The following SH3BP5 variants were observed in gnomAD, a reference collection of about 807,000 sequenced individuals.
The protein encoded by SH3BP5 is SH3 domain-binding protein 5.
A neutral mutation model predicts 43.3 loss-of-function variants in SH3BP5; 22 were observed. The observed-to-expected ratio is 0.51, with a 90% confidence interval of 0.36 to 0.73. The LOEUF is 0.73. Ranked by LOEUF, SH3BP5 falls within the 30% of genes least tolerant of loss-of-function variation. SH3BP5 has a pLI of 0.00. For synonymous variants in SH3BP5, 255 were observed against 225.8 expected (o/e 1.13, Z -1.16); for missense variants, 529 against 586.9 (o/e 0.90, Z 1.02).
At position 15,293,901 on chromosome 3, in the gene SH3BP5, A is replaced by G. The variant is rs1217375719; in HGVS notation, c.330+10202T>C. Among the ~76,000 whole-genome samples the G allele has an allele frequency of 2.6e-5, 4 of 152,126 alleles. No individual in the cohort carries two copies. The East Asian group carries it at 7.7e-4, about 29-fold the overall frequency. On this transcript the variant is annotated intron_variant, in intron 3 of 8. Coordinates refer to ENST00000383791, the MANE Select transcript of SH3BP5 (RefSeq NM_004844.5). ...GAGACCAGCCTGGCCAACATGACGA[A>G]ATCCTGTCTCTACTAAAAATACAAA...
At chr3:15,280,247 G>T (rs1393370464) in intron 3 of SH3BP5, among the ~76,000 whole-genome samples, 1 of 152,048 alleles carries the variant, frequency 6.6e-6, no homozygotes, top group East Asian at 1.9e-4. Context: ...TAGCCAGAAG[G>T]GTGCGCCCAC....
chr3:15,262,082 G>T (rs999834858), intron 5 of SH3BP5, 77 bp downstream of exon 5: 3 of 1,558,044 alleles, frequency 1.9e-6, no homozygotes, highest in Non-Finnish European at 2.6e-6. Context: ...GTCCTTGAGT[G>T]TGTGACATAC....
At chr3:15,335,737 T>C (rs1413203567), upstream of SH3BP5, among the ~76,000 whole-genome samples, 1 of 152,298 alleles carries the variant, frequency 6.6e-6, no homozygotes, top group East Asian at 1.9e-4. Flanking sequence ...AAGGGACAAC[T>C]GTATATATTC....
intron 6 of SH3BP5, 196 bp from the exon 7 acceptor site, chr3:15,259,246 C>T: frequency 1.6e-6 from 1 of 607,084 alleles, no homozygotes; most frequent in Non-Finnish European, 2.9e-6. Context: ...CCCCAGATCC[C>T]ATCCAGGTGA....
chr3:15,332,245 A>AT (rs767604689), intron 1 of SH3BP5, 26 bp downstream of exon 1: 10 of 1,551,076 alleles, frequency 6.4e-6, no homozygotes, highest in Non-Finnish European at 7.8e-6. Flanking sequence ...CGAAGCCCGG[A>AT]TGCGGGGCGA....
chr3:15,332,732 G>C (rs1439610586), upstream of SH3BP5: 1 of 964,704 alleles, frequency 1.0e-6, no homozygotes, highest in African/African-American at 1.7e-5. Context: ...ACATCTCCAA[G>C]GTGGCAAAAT....
At position 15,264,899 on chromosome 3, in the gene SH3BP5, GTTTACC is replaced by G. The variant is rs577682128; in HGVS notation, c.496-2616_496-2611del. Among the ~76,000 whole-genome samples the G allele has an allele frequency of 2.8e-4, 43 of 152,064 alleles. No homozygotes were observed. In the South Asian group the frequency reaches 8.9e-3, roughly 32 times the overall value. On this transcript the variant is annotated intron_variant, in intron 4 of 8. Coordinates refer to ENST00000383791, the MANE Select transcript of SH3BP5 (RefSeq NM_004844.5). ...TTATTACAAAAAGATCCAATTAAAG[GTTTACC>G]TTTAAGGAGCTGTCAGAATGCATTT...
rs773418415 is a variant in SH3BP5, at chr3:15,304,092, G to A, written c.330+11C>T. On this transcript the variant is annotated intron_variant, in intron 3 of 8. Transcript: ENST00000383791. ...CTCGAGGTAGGGGAGACATCTATGG[G>A]GCTATCTTACCTGCCTCGCCACCCT... 2.5e-6 allele frequency: 4 copies of A among 1,611,538 alleles called. No individual in the cohort carries two copies. Among genetic ancestry groups the A allele is most frequent in the African/African-American group, 2.7e-5 (2 of 74,970 alleles).
intron 3 of SH3BP5, among the ~76,000 whole-genome samples, chr3:15,298,746 G>A (rs1253777820): frequency 2.0e-5 from 3 of 152,156 alleles, no homozygotes; most frequent in Non-Finnish European, 4.4e-5. Flanking sequence ...GGTACCTAGG[G>A]TAGTCAAATT....
At chr3:15,318,676 C>T (rs776114127) in intron 2 of SH3BP5, among the ~76,000 whole-genome samples, 33 of 152,122 alleles carry the variant, frequency 2.2e-4, no homozygotes, top group Non-Finnish European at 4.6e-4. Flanking sequence ...GATTCTTGTG[C>T]CTCAGCCTCC....
chr3:15,267,623 T>C (rs1048492330), intron 4 of SH3BP5, among the ~76,000 whole-genome samples: 11 of 152,168 alleles, frequency 7.2e-5, no homozygotes, highest in African/African-American at 2.7e-4. Flanking sequence ...CCCAGGGCCC[T>C]ATGAAGCCCT....
upstream of SH3BP5, among the ~76,000 whole-genome samples, chr3:15,334,915 G>GC (rs1161381308): frequency 6.6e-6 from 1 of 151,498 alleles, no homozygotes; most frequent in African/African-American, 2.4e-5. Flanking sequence ...TTGCACCACT[G>GC]CCCCCCAGCT....
chr3:15,300,347 T>C (rs1226356446), intron 3 of SH3BP5, among the ~76,000 whole-genome samples: 1 of 152,166 alleles, frequency 6.6e-6, no homozygotes, highest in Non-Finnish European at 1.5e-5. Context: ...GGCTGTTCCC[T>C]TGACTGCCAG....
intron 1 of SH3BP5, chr3:15,339,980 A>G (rs891851188): frequency 1.3e-5 from 2 of 152,158 alleles, no homozygotes; most frequent in African/African-American, 4.8e-5. Flanking sequence ...TGCAGACACT[A>G]TTCTAGAATG....
At position 15,262,020 on chromosome 3, in the gene SH3BP5, A is replaced by AG. The variant is rs987191674; in HGVS notation, c.626+138dup. The AG allele has an allele frequency of 1.5e-5, 13 of 885,088 alleles. No individual in the cohort carries two copies. The Admixed American group carries it at 1.9e-4, about 13-fold the overall frequency. The allele number at this position is 885,088 out of a possible 1,614,324, so 54.8% of individuals were successfully genotyped here. On this transcript the variant is annotated intron_variant, in intron 5 of 8. Transcript: ENST00000383791. ...TATTAGGGGGAAAGAGAGCCTGAGC[A>AG]GGGGGGCTCTGGTGAGGCCCCAGGG...
At position 15,256,864 on chromosome 3, in the gene SH3BP5, T is replaced by C. The variant is rs1420536076; in HGVS notation, c.1139A>G (p.Glu380Gly). The C allele has an allele frequency of 6.2e-7, 1 of 1,610,366 alleles. No homozygotes were observed. ...AGGCTGCTACTCACCTCGTTCTACT[T>C]CACATTCAGGGGAGGAGGCCCCGCT... ...ECSGASSPEC[E>G]VERGDRAEGA... is the part of the protein sequence containing the mutation. Residue 380 changes from glutamate to glycine, a missense_variant, in exon 8 of 9, where the codon GAA becomes GGA. Physicochemically the swap from Glu to Gly is moderately conservative, Grantham distance 98 (BLOSUM62 -2). This residue lies in a region of SH3BP5 where 369 missense variants were observed against 384.3 expected (regional missense o/e 0.96). Coordinates refer to ENST00000383791, the MANE Select transcript of SH3BP5 (RefSeq NM_004844.5).
At chr3:15,332,239 G>A (rs1453376913) in intron 1 of SH3BP5, 32 bp downstream of exon 1, 1 of 1,550,664 alleles carries the variant, frequency 6.4e-7, no homozygotes, top group Non-Finnish European at 8.7e-7. Context: ...CCCTCGCGAA[G>A]CCCGGATGCG....
intron 3 of SH3BP5, among the ~76,000 whole-genome samples, chr3:15,294,580 G>A (rs1197039509): frequency 1.3e-5 from 2 of 151,972 alleles, no homozygotes; most frequent in Non-Finnish European, 2.9e-5. Context: ...CACCGGAAAG[G>A]TTTATGTAAA....
At chr3:15,259,188 A>G in intron 6 of SH3BP5, 138 bp from the exon 7 acceptor site, 5 of 671,590 alleles carry the variant, frequency 7.4e-6, no homozygotes, top group Non-Finnish European at 1.3e-5. Context: ...AGACCTAATT[A>G]CCATTGTAAC....
Sources: allele counts gnomAD v4.1 joint callset (sites outside exome capture counted in the v4.1 genomes callset), GRCh38; gene constraint gnomAD v4.1.1; regional missense constraint gnomAD v4.1.1; transcripts MANE v1.5; gene names NCBI Gene and HGNC (gene_info 2026-07-23, HGNC 2026-07-21).